The following KIF21B variants were observed in gnomAD, a reference collection of about 807,000 sequenced individuals.
The protein encoded by KIF21B is kinesin-like protein KIF21B.
In KIF21B, 85 loss-of-function variants were observed where a neutral mutation model predicts 192.9. The observed-to-expected ratio is 0.44, with a 90% CI of 0.37 to 0.53. The LOEUF is 0.53. Among genes scored for constraint, KIF21B ranks in the 20% least tolerant of loss-of-function variants. The probability of loss-of-function intolerance (pLI) is 0.00; values close to 1 mark genes in which losing one functional copy is unlikely to be tolerated. For missense variants in KIF21B, 1,716 were observed against 2,194.8 expected (o/e 0.78, Z 4.36); for synonymous variants, 832 against 884.6 (o/e 0.94, Z 1.05).
intron 16 of KIF21B, 106 bp downstream of exon 16, chr1:200,992,176 C>T (rs764263238): frequency 1.7e-5 from 15 of 872,998 alleles, no homozygotes; most frequent in Non-Finnish European, 2.7e-5. Context: ...CCACTTAGGA[C>T]AGTGGAGACT....
intron 1 of KIF21B, among the ~76,000 whole-genome samples, chr1:201,011,924 G>A (rs1275987264): frequency 6.6e-6 from 1 of 152,244 alleles, no homozygotes; most frequent in Non-Finnish European, 1.5e-5. Flanking sequence ...GGGAGGGGGA[G>A]CAACAGCCCT....
rs147802492 is a variant in KIF21B at position 201,017,930 on chromosome 1, C to T, written c.41+5413G>A. ...AGGGTACTGCAGCCAACACTGCTGC[C>T]GCCTGCCCTGGAGCTTCACATAGGG... On this transcript the variant is annotated intron_variant, in intron 1 of 34. Coordinates refer to ENST00000461742, the MANE Select transcript of KIF21B (RefSeq NM_001252102.2). This position sits in a 1 kb window ranked among gnomAD's most constrained non-coding sequence, Gnocchi z 4.1. 1.2e-3 allele frequency among the ~76,000 whole-genome samples: 184 copies of T among 152,284 alleles called. 4 individuals carry two copies. In the East Asian group the frequency reaches 0.027, roughly 23 times the overall value.
chr1:201,021,942 C>G (rs1658854173), intron 1 of KIF21B, among the ~76,000 whole-genome samples: 1 of 152,226 alleles, frequency 6.6e-6, no homozygotes, highest in African/African-American at 2.4e-5. Context: ...CAATGTCAGC[C>G]CCAGCAGCAG....
chr1:200,998,619 G>A lies in KIF21B; in HGVS notation c.1886-44C>T, dbSNP rs1382967642. ...GCTCAGCCCAGCGTTAGGGCGAGGG[G>A]CAAATTGGGGAGCAGATGTGCCAGT... is the stretch of plus-strand genomic sequence containing the variant. On this transcript the variant is annotated intron_variant, in intron 13 of 34. Transcript: ENST00000461742. This position sits in a 1 kb window ranked among gnomAD's most constrained non-coding sequence, Gnocchi z 4.3. 2 of 1,574,190 alleles carry A rather than the reference G, an allele frequency of 1.3e-6. No homozygotes were observed. Among genetic ancestry groups the A allele is most frequent in the Non-Finnish European group, 8.7e-7 (1 of 1,150,944 alleles).
At position 201,000,593 on chromosome 1, in the gene KIF21B, C is replaced by G; in HGVS notation, c.1482G>C (p.Glu494Asp). 1 of 1,613,476 alleles carries G rather than the reference C, an allele frequency of 6.2e-7. No homozygotes were observed. The change falls in exon 11 of 35, where the codon GAG (glutamate) becomes GAC (aspartate). Residue 494 changes from glutamate to aspartate, a missense_variant. Transcript: ENST00000461742. This position sits in a 1 kb window ranked among gnomAD's most constrained non-coding sequence, Gnocchi z 6.0. ...GCAGGGACTCGTTCATGGCTTCACT[C>G]TCTAGAAGCTTAGTCCTGCACAGGA... ...EIEELRTKLLESEAMNESLRR... is the reference protein window; with the variant it reads ...EIEELRTKLLDSEAMNESLRR...
rs768610765 is a variant in KIF21B, at chr1:201,005,294, T to C, written c.732+14A>G. ...GCAGCAAGCTGGCTCCTGGGCCCCC[T>C]GCAGGCTCCTCACCAGGTCGGGCTG... On this transcript the variant is annotated intron_variant, in intron 5 of 34. Coordinates refer to ENST00000461742, the MANE Select transcript of KIF21B (RefSeq NM_001252102.2). 1 of 1,568,912 alleles carries C rather than the reference T, an allele frequency of 6.4e-7. No homozygotes were observed. Among genetic ancestry groups the C allele is most frequent in the East Asian group, 2.3e-5 (1 of 44,400 alleles).
intron 8 of KIF21B, 24 bp from the exon 9 acceptor site, chr1:201,002,374 C>A: frequency 6.2e-7 from 1 of 1,603,018 alleles, no homozygotes; most frequent in Non-Finnish European, 8.5e-7. Context: ...CAAAGGGGAG[C>A]AGTCAGGCAG....
rs1571929876 is a variant in KIF21B, at chr1:200,990,062, G to A, written c.3031-19C>T. On this transcript the variant is annotated intron_variant, in intron 20 of 34. Transcript: ENST00000461742. The surrounding 1 kb of genome is among the most constrained non-coding windows in gnomAD (Gnocchi z 5.4). The stretch of plus-strand genomic sequence containing the variant: ...GCTCCTCCTAGGACCGGGAGGCAGA[G>A]AGCCCCGTCACCTGGGGCTACCCCT... 3 of 1,612,532 alleles carry A rather than the reference G, an allele frequency of 1.9e-6. No homozygotes were observed. Among genetic ancestry groups the A allele is most frequent in the African/African-American group, 1.3e-5 (1 of 74,900 alleles).
At position 201,022,288 on chromosome 1, in the gene KIF21B, G is replaced by A. The variant is rs187608017; in HGVS notation, c.41+1055C>T. Among the ~76,000 whole-genome samples the A allele has an allele frequency of 3.9e-5, 6 of 152,232 alleles. No homozygotes were observed. The East Asian group carries it at 1.2e-3, about 29-fold the overall frequency. ...TATGACCCAAGGGATCTAGAGACCT[G>A]AGAGACCTACCCTAGACCTGGACAA... On this transcript the variant is annotated intron_variant, in intron 1 of 34. Coordinates refer to ENST00000461742, the MANE Select transcript of KIF21B (RefSeq NM_001252102.2).
At chr1:200,985,739 TTTCC>T (rs1168619065) in intron 26 of KIF21B, among the ~76,000 whole-genome samples, 7 of 150,828 alleles carry the variant, frequency 4.6e-5, no homozygotes, top group Non-Finnish European at 7.4e-5. Flanking sequence ...TCTTCTTTCT[TTTCC>T]TTCCTTCCTT....
At chr1:200,973,974 GGAA>G (rs776483809) in intron 34 of KIF21B, 75 of 1,547,664 alleles carry the variant, frequency 4.8e-5, no homozygotes, top group South Asian at 2.8e-4. Flanking sequence ...GGAAGGGAAA[GGAA>G]GAAGAAGGAG....
At chr1:201,008,376 C>A (rs960874013) in intron 3 of KIF21B, among the ~76,000 whole-genome samples, 4 of 152,082 alleles carry the variant, frequency 2.6e-5, no homozygotes, top group African/African-American at 7.2e-5. Flanking sequence ...TGAGGGGGAA[C>A]CCAGAGAAGG....
At position 200,987,059 on chromosome 1, in the gene KIF21B, C is replaced by G; in HGVS notation, c.3551G>C (p.Arg1184Pro). 6.2e-7 allele frequency: 1 copy of G among 1,614,008 alleles called. No homozygotes were observed. Among genetic ancestry groups the G allele is most frequent in the Non-Finnish European group, 8.5e-7 (1 of 1,180,012 alleles). ...GACCCTGTCCCGGTAATAGGGGTCT[C>G]GGACAGAGAAGCCCACTCCGTCCTC... ...IKEDGVGFSV[R>P]DPYYRDRVSR... The change falls in exon 25 of 35, where the codon CGA becomes CCA. Residue 1184 changes from arginine to proline, a missense_variant. Coordinates refer to ENST00000461742, the MANE Select transcript of KIF21B (RefSeq NM_001252102.2).
chr1:201,020,808 TACAC>T (rs60686711), intron 1 of KIF21B, among the ~76,000 whole-genome samples: 4,766 of 142,880 alleles, frequency 0.033, 150 homozygotes, highest in East Asian at 0.12. Context: ...CTCTCTCCTC[TACAC>T]ACACACACAC....
chr1:200,977,246 A>G lies in KIF21B; in HGVS notation c.4291T>C (p.Ser1431Pro). Residue 1431 changes from serine (S) to proline (P), a missense_variant, in exon 31 of 35, where the codon TCG becomes CCG. Physicochemically the swap from Ser to Pro is moderately conservative, Grantham distance 74. Transcript: ENST00000461742. ...TCCCAGATGCGGACGGCATTGCCCG[A>G]GGCGGCGTACAGCATGGTGCCCGAA... Reference protein sequence around the residue: ...SPSGTMLYAASGNAVRIWELS... With the variant: ...SPSGTMLYAAPGNAVRIWELS... 6.2e-7 allele frequency: 1 copy of G among 1,613,792 alleles called. No homozygotes were observed. The highest frequency in any genetic ancestry group is 8.5e-7 in the Non-Finnish European group (1 of 1,179,698).
chr1:200,987,342 C>G, intron 24 of KIF21B, 141 bp from the exon 25 acceptor site: 1 of 700,688 alleles, frequency 1.4e-6, no homozygotes, highest in Non-Finnish European at 2.3e-6. Flanking sequence ...TAGGCTCATG[C>G]GATCCCCTCA....
intron 1 of KIF21B, among the ~76,000 whole-genome samples, chr1:201,021,210 C>T (rs11587290): frequency 0.036 from 5,487 of 152,214 alleles, 141 homozygotes; most frequent in Non-Finnish European, 0.055. Context: ...CCCAGCCCAG[C>T]CCAGCCCCAG....
At chr1:200,995,132 T>A (rs925028418) in intron 15 of KIF21B, among the ~76,000 whole-genome samples, 2 of 152,224 alleles carry the variant, frequency 1.3e-5, no homozygotes, top group African/African-American at 4.8e-5. Context: ...CACCACCTCT[T>A]CTCAGAATCT....
Position 200,998,350 on chromosome 1 carries a change from C to A in KIF21B, c.2077+34G>T, listed in dbSNP as rs544734399. The A allele has an allele frequency of 1.3e-6, 2 of 1,580,368 alleles. No homozygotes were observed. The highest frequency in any genetic ancestry group is 1.7e-5 in the Admixed American group (1 of 59,164). ...AGGGGCTCAGGGAAAAGGGAGGGTC[C>A]GGATGGGGTGGAGGGGCATGGCGGT... On this transcript the variant is annotated intron_variant, in intron 14 of 34. Coordinates refer to ENST00000461742, the MANE Select transcript of KIF21B (RefSeq NM_001252102.2). The surrounding 1 kb of genome is among the most constrained non-coding windows in gnomAD (Gnocchi z 4.3).
Sources: allele counts gnomAD v4.1 joint callset (sites outside exome capture counted in the v4.1 genomes callset), GRCh38; gene constraint gnomAD v4.1.1; non-coding constraint Gnocchi (gnomAD v3.1); transcripts MANE v1.5; gene names NCBI Gene and HGNC (gene_info 2026-07-23, HGNC 2026-07-21).